Variants in ADARB2 observed in about 807,000 individuals in gnomAD.
ADARB2 encodes the protein adenosine deaminase RNA specific B2 (inactive).
ADARB2 carries 25 observed loss-of-function variants against 62.2 expected under a neutral mutation model. That is an observed-to-expected ratio of 0.40 (90% CI 0.29 to 0.56). ADARB2 has a LOEUF of 0.56. Among genes scored for constraint, ADARB2 ranks in the 20% least tolerant of loss-of-function variants. ADARB2 has a pLI of 0.43. For missense variants in ADARB2, 1,071 were observed against 1,077.4 expected (o/e 0.99, Z 0.08); for synonymous variants, 572 against 500.8 (o/e 1.14, Z -1.90).
At chr10:1,419,511 G>A (rs988578832) in intron 1 of ADARB2, among the ~76,000 whole-genome samples, 2 of 152,144 alleles carry the variant, frequency 1.3e-5, no homozygotes, top group Non-Finnish European at 2.9e-5. Context: ...TATGTAAACC[G>A]AGTTATAGCA....
At chr10:1,204,051 T>C (rs909839923) in intron 7 of ADARB2, among the ~76,000 whole-genome samples, 1 of 152,138 alleles carries the variant, frequency 6.6e-6, no homozygotes, top group African/African-American at 2.4e-5. Flanking sequence ...TTTCACGGCA[T>C]TGGAAGAGCA....
chr10:1,236,236 T>C lies in ADARB2; in HGVS notation c.1362-2391A>G, dbSNP rs1450702886. On this transcript the variant is annotated intron_variant, in intron 5 of 9. Transcript: ENST00000381312. Reference sequence around the variant, plus strand: ...TTCCTTCTTCGGTGTTTACCCTCTGTCTCCCGGTGTTTACTCCCCTCTCCC... The same window carrying C: ...TTCCTTCTTCGGTGTTTACCCTCTGCCTCCCGGTGTTTACTCCCCTCTCCC... Among the ~76,000 whole-genome samples the C allele has an allele frequency of 4.0e-3, 28 of 7,078 alleles. 3 individuals carry two copies. The highest frequency in any genetic ancestry group is 0.029 in the African/African-American group (24 of 826). The allele number at this position is 7,078 out of a possible 152,430, so 4.6% of individuals were successfully genotyped here.
chr10:1,670,015 C>T (rs3750685), intron 1 of ADARB2, among the ~76,000 whole-genome samples: 35,655 of 152,152 alleles, frequency 0.23, 4,265 homozygotes, highest in East Asian at 0.34. Flanking sequence ...GGGTACAGGG[C>T]GTCTGTGAGT....
At position 1,242,038 on chromosome 10, in the gene ADARB2, C is replaced by T. The variant is rs529423431; in HGVS notation, c.1361+93G>A. ...CACCCTGTGCCAGGATAGAGGGAAG[C>T]GTGTTCTGAGCCAGGCATGGGGCCC... On this transcript the variant is annotated intron_variant, in intron 5 of 9. Coordinates refer to ENST00000381312, the MANE Select transcript of ADARB2 (RefSeq NM_018702.4). The T allele has an allele frequency of 8.6e-3, 11,456 of 1,331,232 alleles. 64 individuals carry two copies. Among genetic ancestry groups the T allele is most frequent in the Non-Finnish European group, 9.6e-3 (9,490 of 984,898 alleles). The allele number at this position is 1,331,232 out of a possible 1,614,324, so 82.5% of individuals were successfully genotyped here.
chr10:1,588,197 C>G (rs1234574342), intron 1 of ADARB2, among the ~76,000 whole-genome samples: 2 of 152,172 alleles, frequency 1.3e-5, no homozygotes, highest in African/African-American at 4.8e-5. Flanking sequence ...GTCACACCCT[C>G]TCCCCAATCC....
chr10:1,656,051 T>C (rs1473589660), intron 1 of ADARB2, among the ~76,000 whole-genome samples: 2 of 152,214 alleles, frequency 1.3e-5, no homozygotes, highest in Admixed American at 6.5e-5. Flanking sequence ...TTCAGATAAC[T>C]GAAATAAAGC....
chr10:1,498,220 A>C (rs1344938811), intron 1 of ADARB2, among the ~76,000 whole-genome samples: 2 of 152,000 alleles, frequency 1.3e-5, no homozygotes, highest in African/African-American at 4.8e-5. Flanking sequence ...TAAAAATATA[A>C]AAAATTGGCC....
rs1205285797 is a variant in ADARB2 at position 1,326,845 on chromosome 10, A to G, written c.1077+36183T>C. Among the ~76,000 whole-genome samples the G allele has an allele frequency of 8.7e-3, 481 of 55,148 alleles. 9 individuals carry two copies. The highest frequency in any genetic ancestry group is 0.014 in the Non-Finnish European group (334 of 23,164). 36.2% of individuals were successfully genotyped at this position (55,148 alleles called of 152,430 possible). A position where few individuals can be genotyped will look rare whatever the true frequency, so the allele number is the denominator to read the frequency against. Reference sequence around the variant, plus strand: ...ACGGCCCAGCGCCTCCCCACGGCCCAGCGCCTCCCCACTGCCCAGCGCCTC... The same window carrying G: ...ACGGCCCAGCGCCTCCCCACGGCCCGGCGCCTCCCCACTGCCCAGCGCCTC... On this transcript the variant is annotated intron_variant, in intron 3 of 9. Coordinates refer to ENST00000381312, the MANE Select transcript of ADARB2 (RefSeq NM_018702.4).
chr10:1,660,243 G>T (rs1356247840), intron 1 of ADARB2, among the ~76,000 whole-genome samples: 1 of 152,268 alleles, frequency 6.6e-6, no homozygotes, highest in African/African-American at 2.4e-5. Context: ...CTTCCTGGAG[G>T]ATAATCATCA....
chr10:1,204,085 C>T (rs1255735305), intron 7 of ADARB2, among the ~76,000 whole-genome samples: 1 of 152,116 alleles, frequency 6.6e-6, no homozygotes, highest in African/African-American at 2.4e-5. Context: ...AATCTCTGGC[C>T]AGTCTGGGGG....
intron 1 of ADARB2, among the ~76,000 whole-genome samples, chr10:1,671,587 C>T (rs953142847): frequency 7.9e-5 from 12 of 152,116 alleles, no homozygotes; most frequent in African/African-American, 2.9e-4. Context: ...TGGCATCTCC[C>T]TCGTGCTTCT....
rs187000288 is a variant in ADARB2 at position 1,191,917 on chromosome 10, C to T, written c.1865-6878G>A. Among the ~76,000 whole-genome samples, 367 of 152,246 alleles carry T rather than the reference C, an allele frequency of 2.4e-3. 3 individuals are homozygous for T. Among genetic ancestry groups the T allele is most frequent in the Non-Finnish European group, 4.4e-3 (297 of 68,012 alleles). ...TGTGGCTTCCGACAAGTGAATTAAC[C>T]ACTCCTACCAGCACTGCTTCAACTA... On this transcript the variant is annotated intron_variant, in intron 8 of 9. Transcript: ENST00000381312.
rs544622322 is a variant in ADARB2 at position 1,183,970 on chromosome 10, G to A, written c.2044-601C>T. Among the ~76,000 whole-genome samples, 4 of 152,304 alleles carry A rather than the reference G, an allele frequency of 2.6e-5. No individual in the cohort carries two copies. The South Asian group carries it at 8.3e-4, about 32-fold the overall frequency. ...ATGTGCAAGAGGAGAGGGCCCTTTTGCTCAGCAGGACAGCATCGACGCTTC... is the reference window on the plus strand; with the variant it reads ...ATGTGCAAGAGGAGAGGGCCCTTTTACTCAGCAGGACAGCATCGACGCTTC... On this transcript the variant is annotated intron_variant, in intron 9 of 9. Transcript: ENST00000381312.
rs1013636288 is a variant in ADARB2 at position 1,476,954 on chromosome 10, A to C, written c.101-97794T>G. On this transcript the variant is annotated intron_variant, in intron 1 of 9. Coordinates refer to ENST00000381312, the MANE Select transcript of ADARB2 (RefSeq NM_018702.4). ...TGGCCCACAGGGACTTCCTTTCTTA[A>C]CAATCAGAGACACAAGTGCTGGGCT... Among the ~76,000 whole-genome samples the C allele has an allele frequency of 9.9e-5, 15 of 152,144 alleles. No homozygotes were observed. In the East Asian group the frequency reaches 1.2e-3, roughly 12 times the overall value.
At chr10:1,360,657 G>A (rs1832244121) in intron 3 of ADARB2, among the ~76,000 whole-genome samples, 1 of 152,224 alleles carries the variant, frequency 6.6e-6, no homozygotes, top group South Asian at 2.1e-4. Flanking sequence ...TGTGCATGGG[G>A]AGCGGTACGA....
intron 1 of ADARB2, among the ~76,000 whole-genome samples, chr10:1,558,583 C>T (rs1832741370): frequency 7.5e-6 from 1 of 133,278 alleles, no homozygotes; most frequent in Non-Finnish European, 1.6e-5. Context: ...CACCTCTGTC[C>T]CCTTCTGTGG....
intron 1 of ADARB2, among the ~76,000 whole-genome samples, chr10:1,732,906 A>T (rs763274187): frequency 2.0e-5 from 3 of 152,194 alleles, no homozygotes; most frequent in Non-Finnish European, 2.9e-5. Flanking sequence ...ATTTCACAAC[A>T]TTCAGCAACC....
intron 1 of ADARB2, among the ~76,000 whole-genome samples, chr10:1,583,847 C>G (rs1417395331): frequency 6.6e-6 from 1 of 152,068 alleles, no homozygotes; most frequent in Non-Finnish European, 1.5e-5. Context: ...AATAGAGAAC[C>G]CAGAAATAGA....
chr10:1,186,531 G>T (rs768374486), intron 8 of ADARB2: 1 of 518,916 alleles, frequency 1.9e-6, no homozygotes, highest in African/African-American at 1.9e-5. Context: ...CCAGCTGGCC[G>T]GGTGTCTCCC....
Sources: allele counts gnomAD v4.1 joint callset (sites outside exome capture counted in the v4.1 genomes callset), GRCh38; gene constraint gnomAD v4.1.1; transcripts MANE v1.5; gene names NCBI Gene and HGNC (gene_info 2026-07-23, HGNC 2026-07-21).